The following MARK1 variants were observed in gnomAD, a reference collection of about 807,000 sequenced individuals.
MARK1 encodes microtubule affinity regulating kinase 1.
A neutral mutation model predicts 96.3 loss-of-function variants in MARK1; 40 were observed. The observed-to-expected ratio is 0.42, with a 90% CI of 0.32 to 0.54. The LOEUF is 0.54. Ranked by LOEUF, MARK1 falls within the 20% of genes least tolerant of loss-of-function variation. The pLI is 0.16. For synonymous variants in MARK1, 317 were observed against 341.2 expected (o/e 0.93, Z 0.78); for missense variants, 719 against 984.6 (o/e 0.73, Z 3.61).
At chr1:220,601,207 C>G (rs560755004) in intron 5 of MARK1, among the ~76,000 whole-genome samples, 7 of 151,976 alleles carry the variant, frequency 4.6e-5, no homozygotes, top group Admixed American at 1.3e-4. Context: ...CATTAGCCAC[C>G]GCGCCTGGCC....
At chr1:220,661,277 G>A (rs181247435) in intron 17 of MARK1, among the ~76,000 whole-genome samples, 2 of 152,282 alleles carry the variant, frequency 1.3e-5, no homozygotes, top group East Asian at 3.9e-4. Context: ...GAAATGAGAA[G>A]TCACTGGAGG....
In MARK1 at chr1:220,635,916, G is replaced by A. The variant is rs1356110740; in HGVS notation, c.1360G>A (p.Asp454Asn). 6.8e-6 allele frequency: 11 copies of A among 1,614,012 alleles called. 1 individual carries two copies. In the East Asian group the frequency reaches 2.5e-4, roughly 36 times the overall value. Residue 454 changes from aspartate to asparagine, a missense_variant, in exon 13 of 18, where the codon GAC becomes AAC. Around this residue, in one of 4 missense-constraint regions of MARK1, gnomAD observed 501 missense variants for 588.3 expected, o/e 0.85. Coordinates refer to ENST00000366917, the MANE Select transcript of MARK1 (RefSeq NM_018650.5). Reference protein sequence around the residue: ...SVESEQKEEWDKDVARKLGST... With the variant: ...SVESEQKEEWNKDVARKLGST... Reference sequence around the variant, plus strand: ...GGAAAGTGAACAGAAAGAGGAGTGGGACAAAGATGTGGCTCGAAAACTTGG... The same window carrying A: ...GGAAAGTGAACAGAAAGAGGAGTGGAACAAAGATGTGGCTCGAAAACTTGG...
At chr1:220,626,173 G>T in intron 9 of MARK1, 1 of 590,358 alleles carries the variant, frequency 1.7e-6, no homozygotes, top group Non-Finnish European at 3.3e-6. Flanking sequence ...GAAGCCTGAG[G>T]CATCTGGCTT....
rs749759783 is a variant in MARK1 at position 220,653,340 on chromosome 1, A to G, written c.1976A>G (p.Lys659Arg). ...GGTATAATAAGCAAAATCACATCCA[A>G]ATTTGTTCGCAGGTCAGTACCAATG... ...STGIISKITS[K>R]FVRRDPSEGE... Residue 659 changes from lysine (K) to arginine (R), a missense_variant, in exon 16 of 18, where the codon AAA becomes AGA. Lys to Arg is a conservative substitution (Grantham distance 26). Transcript: ENST00000366917. The G allele has an allele frequency of 1.9e-6, 3 of 1,614,232 alleles. No individual in the cohort carries two copies. Among genetic ancestry groups the G allele is most frequent in the South Asian group, 1.1e-5 (1 of 91,084 alleles).
intron 3 of MARK1, 94 bp downstream of exon 3, chr1:220,581,212 A>G (rs752275913): frequency 4.9e-6 from 2 of 410,480 alleles, no homozygotes; most frequent in East Asian, 3.7e-5. Context: ...TCTATTAGGT[A>G]CAATTCTACA....
intron 13 of MARK1, among the ~76,000 whole-genome samples, chr1:220,646,397 G>C (rs1295423808): frequency 6.6e-6 from 1 of 151,758 alleles, no homozygotes; most frequent in African/African-American, 2.4e-5. Context: ...CACTGCTCAA[G>C]AAAATCAGAG....
chr1:220,657,677 T>A (rs549135343), intron 16 of MARK1, 113 bp from the exon 17 acceptor site: 2 of 661,036 alleles, frequency 3.0e-6, no homozygotes, highest in South Asian at 2.4e-5. Context: ...AATAGAAAAC[T>A]GTCATGGTAG....
intron 1 of MARK1, among the ~76,000 whole-genome samples, chr1:220,532,477 C>A (rs1660383634): frequency 6.6e-6 from 1 of 152,034 alleles, no homozygotes; most frequent in African/African-American, 2.4e-5. Context: ...CTGTAACACC[C>A]CCTTTGAATT....
Position 220,568,856 on chromosome 1 carries a change from T to TA in MARK1, c.52-10497dup, listed in dbSNP as rs1253227778. 2.6e-5 allele frequency among the ~76,000 whole-genome samples: 4 copies of TA among 152,204 alleles called. No individual in the cohort carries two copies. The East Asian group carries it at 7.7e-4, about 29-fold the overall frequency. On this transcript the variant is annotated intron_variant, in intron 1 of 17. Coordinates refer to ENST00000366917, the MANE Select transcript of MARK1 (RefSeq NM_018650.5). The stretch of plus-strand genomic sequence containing the variant: ...TGTTTTTTGCTGTTACAAACAGTGC[T>TA]ACAATAAATATTGTATGTGTTCATC...
At chr1:220,644,692 C>T (rs1668486797) in intron 13 of MARK1, among the ~76,000 whole-genome samples, 1 of 152,078 alleles carries the variant, frequency 6.6e-6, no homozygotes, top group Non-Finnish European at 1.5e-5. Flanking sequence ...TAAAACACTC[C>T]TCAGCAAAGG....
rs117217458 is a variant in MARK1, at chr1:220,610,058, G to C, written c.496-5881G>C. 4.6e-5 allele frequency among the ~76,000 whole-genome samples: 7 copies of C among 152,178 alleles called. No homozygotes were observed. The East Asian group carries it at 1.4e-3, about 29-fold the overall frequency. ...GTTGTTCTTCTCAAGGAGTATCTTT[G>C]GATGTTCTCTGTATTTCCTGAATTT... is the stretch of plus-strand genomic sequence containing the variant. On this transcript the variant is annotated intron_variant, in intron 6 of 17. Coordinates refer to ENST00000366917, the MANE Select transcript of MARK1 (RefSeq NM_018650.5).
intron 1 of MARK1, among the ~76,000 whole-genome samples, chr1:220,558,489 T>C (rs1662446174): frequency 6.6e-6 from 1 of 151,830 alleles, no homozygotes; most frequent in African/African-American, 2.4e-5. Context: ...ACTCTAGCTA[T>C]TTTAAAGTGA....
Position 220,662,213 on chromosome 1 carries a change from GT to G in MARK1, c.*48del. 1 of 1,440,202 alleles carries G rather than the reference GT, an allele frequency of 6.9e-7. No individual in the cohort carries two copies. The highest frequency in any genetic ancestry group is 1.2e-5 in the South Asian group (1 of 81,446). 89.2% of individuals were successfully genotyped at this position (1,440,202 alleles called of 1,614,324 possible). A position where few individuals can be genotyped will look rare whatever the true frequency, so the allele number is the denominator to read the frequency against. ...CAGGGAAGATACATACATATATGAG[GT>G]ACAGTTTTTGAATGTACTGGTAATG... On this transcript the variant is annotated 3_prime_UTR_variant, in exon 18 of 18. Transcript: ENST00000366917.
chr1:220,539,487 A>G (rs144484396), intron 1 of MARK1, among the ~76,000 whole-genome samples: 2,353 of 152,106 alleles, frequency 0.015, 33 homozygotes, highest in Middle Eastern at 0.044. Context: ...TCTATTGAGG[A>G]TTTTTGCATC....
At chr1:220,614,564 A>G (rs1666634072) in intron 6 of MARK1, among the ~76,000 whole-genome samples, 2 of 152,050 alleles carry the variant, frequency 1.3e-5, no homozygotes, top group Admixed American at 1.3e-4. Context: ...GTAATAATAT[A>G]TACCTCTATA....
chr1:220,570,970 A>T (rs1243376177), intron 1 of MARK1, among the ~76,000 whole-genome samples: 3 of 152,184 alleles, frequency 2.0e-5, no homozygotes, highest in Non-Finnish European at 4.4e-5. Flanking sequence ...CCATTGTTAG[A>T]ACTCATATTT....
intron 1 of MARK1, among the ~76,000 whole-genome samples, chr1:220,548,268 A>G (rs1274878998): frequency 1.3e-5 from 2 of 152,262 alleles, no homozygotes; most frequent in Non-Finnish European, 2.9e-5. Flanking sequence ...CAAAAGTTAA[A>G]GTTATCATAA....
chr1:220,587,577 C>A (rs2102867569), intron 3 of MARK1, among the ~76,000 whole-genome samples: 1 of 152,130 alleles, frequency 6.6e-6, no homozygotes, highest in Admixed American at 6.5e-5. Context: ...ACCATGTTGG[C>A]CAGGCTGGTC....
At chr1:220,580,211 A>ATTTTTTT in intron 2 of MARK1, among the ~76,000 whole-genome samples, 1 of 152,168 alleles carries the variant, frequency 6.6e-6, no homozygotes, top group South Asian at 2.1e-4. Flanking sequence ...GGCCCAATGC[A>ATTTTTTT]GTGGCTCATG....
Sources: allele counts gnomAD v4.1 joint callset (sites outside exome capture counted in the v4.1 genomes callset), GRCh38; gene constraint gnomAD v4.1.1; regional missense constraint gnomAD v4.1.1; transcripts MANE v1.5; gene names NCBI Gene and HGNC (gene_info 2026-07-23, HGNC 2026-07-21).